The following METTL2A variants were observed in gnomAD, a reference collection of about 807,000 sequenced individuals.
METTL2A encodes the protein methyltransferase 2A, tRNA N3-cytidine.
In METTL2A, 45 loss-of-function variants were observed where a neutral mutation model predicts 49.4. That is an observed-to-expected ratio of 0.91 (90% CI 0.72 to 1.17). The LOEUF is 1.17. Ranked by LOEUF, METTL2A falls within the 50% of genes most tolerant of loss-of-function variation. METTL2A has a pLI of 0.00. For synonymous variants in METTL2A, 118 were observed against 167.5 expected, an observed-to-expected ratio of 0.70 and a Z score of 2.28; for missense variants, 361 against 462.2, an observed-to-expected ratio of 0.78 and a Z score of 2.01.
In METTL2A at chr17:62,439,172, G is replaced by A. The variant is rs182598005; in HGVS notation, c.670-1445G>A. Among the ~76,000 whole-genome samples the A allele has an allele frequency of 4.9e-4, 74 of 151,658 alleles. 1 individual carries two copies. The highest frequency in any genetic ancestry group is 1.7e-3 in the African/African-American group (69 of 41,318). On this transcript the variant is annotated intron_variant, in intron 5 of 8. Transcript: ENST00000311506. ...TTTTTTGTATTTTTAGTAGAGACGGGGTTTCACTGTGTTGGCCAGGCTGGT... is the reference window on the plus strand; with the variant it reads ...TTTTTTGTATTTTTAGTAGAGACGGAGTTTCACTGTGTTGGCCAGGCTGGT...
At chr17:62,431,961 T>C (rs545077637) in intron 4 of METTL2A, among the ~76,000 whole-genome samples, 6 of 152,174 alleles carry the variant, frequency 3.9e-5, no homozygotes, top group African/African-American at 1.4e-4. Flanking sequence ...CCTCGTGATC[T>C]GCCTGCCTCG....
chr17:62,428,182 T>C (rs1417417462), intron 4 of METTL2A, among the ~76,000 whole-genome samples: 1 of 152,208 alleles, frequency 6.6e-6, no homozygotes, highest in African/African-American at 2.4e-5. Flanking sequence ...CTTCTTCTTC[T>C]TCTAAGGAAC....
At chr17:62,431,953 T>C (rs1024812749) in intron 4 of METTL2A, among the ~76,000 whole-genome samples, 11 of 152,058 alleles carry the variant, frequency 7.2e-5, no homozygotes, top group African/African-American at 2.7e-4. Context: ...ATTCCTGACC[T>C]CGTGATCTGC....
At chr17:62,436,793 A>G (rs28424140) in intron 5 of METTL2A, among the ~76,000 whole-genome samples, 5,120 of 152,194 alleles carry the variant, frequency 0.034, 299 homozygotes, top group African/African-American at 0.11. Context: ...TCTTCCTTTC[A>G]TGAAAGATTT....
In METTL2A at chr17:62,427,842, G is replaced by A; in HGVS notation, c.608+5G>A. On this transcript the variant is annotated splice_donor_5th_base_variant and intron_variant, in intron 4 of 8. Transcript: ENST00000311506. Reference sequence around the variant, plus strand: ...TCCAATTTTACAAACGAACAAGTAAGTATGTTGTAAAAGTTTATGATAGCA... The same window carrying A: ...TCCAATTTTACAAACGAACAAGTAAATATGTTGTAAAAGTTTATGATAGCA... 4 of 1,606,168 alleles carry A rather than the reference G, an allele frequency of 2.5e-6. No homozygotes were observed. The highest frequency in any genetic ancestry group is 3.4e-6 in the Non-Finnish European group (4 of 1,177,208).
intron 5 of METTL2A, among the ~76,000 whole-genome samples, chr17:62,439,409 G>A (rs554189931): frequency 6.0e-5 from 9 of 149,196 alleles, no homozygotes; most frequent in Admixed American, 2.7e-4. Context: ...CTAGCAGATC[G>A]TGCTTTTGGT....
intron 5 of METTL2A, among the ~76,000 whole-genome samples, chr17:62,439,306 A>G (rs1209491648): frequency 2.7e-5 from 4 of 149,962 alleles, no homozygotes; most frequent in South Asian, 2.1e-4. Flanking sequence ...AAGTCTCACT[A>G]TGTTGCCTAG....
At position 62,444,030 on chromosome 17, in the gene METTL2A, CTCTG is replaced by C. The variant is rs552376470; in HGVS notation, c.810-801_810-798del. Among the ~76,000 whole-genome samples, 13 of 152,290 alleles carry C rather than the reference CTCTG, an allele frequency of 8.5e-5. No homozygotes were observed. In the South Asian group the frequency reaches 2.5e-3, roughly 29 times the overall value. ...AAAACACAGACCTAAGTGTAAAACCCTCTGTCTGTTATACTCATTTGCATACTGA... is the reference window on the plus strand; with the variant it reads ...AAAACACAGACCTAAGTGTAAAACCCTCTGTTATACTCATTTGCATACTGA... On this transcript the variant is annotated intron_variant, in intron 6 of 8. Coordinates refer to ENST00000311506, the MANE Select transcript of METTL2A (RefSeq NM_181725.4).
chr17:62,430,454 A>G (rs1204167619), intron 4 of METTL2A, among the ~76,000 whole-genome samples: 3 of 152,166 alleles, frequency 2.0e-5, no homozygotes, highest in Non-Finnish European at 2.9e-5. Flanking sequence ...CTGCCTGTGA[A>G]TCAGGTTTAA....
chr17:62,447,753 C>A lies in METTL2A; in HGVS notation c.969C>A (p.Tyr323Ter). 1.2e-6 allele frequency: 2 copies of A among 1,614,194 alleles called. No individual in the cohort carries two copies. Among genetic ancestry groups the A allele is most frequent in the Non-Finnish European group, 1.7e-6 (2 of 1,180,014 alleles). Reference sequence around the variant, plus strand: ...TGAGAGGTGATGGAACCAGAGTTTACTTCTTCACACAAGGTATGAAACACC... The same window carrying A: ...TGAGAGGTGATGGAACCAGAGTTTAATTCTTCACACAAGGTATGAAACACC... Reference protein sequence around the residue: ...FYVRGDGTRVYFFTQEELDTL... With the variant: ...FYVRGDGTRV Residue 323 changes from tyrosine to a stop codon, truncating the protein, a stop_gained, in exon 8 of 9, where the codon TAC becomes TAA. Transcript: ENST00000311506. LOFTEE classifies it high-confidence loss of function.
chr17:62,424,176 G>T (rs1409894771), intron 1 of METTL2A, 43 bp from the exon 2 acceptor site: 1 of 1,613,916 alleles, frequency 6.2e-7, no homozygotes, highest in Admixed American at 1.7e-5. Context: ...CCTGCCCGCA[G>T]CCAGGACGTG....
intron 5 of METTL2A, among the ~76,000 whole-genome samples, chr17:62,436,165 C>T (rs1217048138): frequency 2.6e-5 from 4 of 152,142 alleles, no homozygotes; most frequent in Non-Finnish European, 5.9e-5. Context: ...ATCACTTGAA[C>T]TCAGGAGGTG....
rs1286983710 is a variant in METTL2A, at chr17:62,451,620, G to T, written c.*2891G>T. ...ACTGCTAACAATACAGACCTGGCAC[G>T]GTGGCTCACGCCTGTAATCCCAGCA... On this transcript the variant is annotated 3_prime_UTR_variant, in exon 9 of 9. Transcript: ENST00000311506. Among the ~76,000 whole-genome samples the T allele has an allele frequency of 6.6e-6, 1 of 151,734 alleles. No homozygotes were observed. The highest frequency in any genetic ancestry group is 1.5e-5 in the Non-Finnish European group (1 of 67,904).
chr17:62,442,309 T>C (rs888096748), intron 6 of METTL2A, among the ~76,000 whole-genome samples: 8 of 151,886 alleles, frequency 5.3e-5, no homozygotes, highest in African/African-American at 1.9e-4. Flanking sequence ...GGAGTCTCAC[T>C]CTGTTGCCCA....
In METTL2A at chr17:62,447,224, G is replaced by C. The variant is rs148227341; in HGVS notation, c.917-477G>C. On this transcript the variant is annotated intron_variant, in intron 7 of 8. Coordinates refer to ENST00000311506, the MANE Select transcript of METTL2A (RefSeq NM_181725.4). ...ACCTGAGGTGAGGAGTTTGAGACCA[G>C]CCTGGCCAACATGGTGAAACCCTGA... Among the ~76,000 whole-genome samples the C allele has an allele frequency of 1.2e-4, 18 of 152,262 alleles. No homozygotes were observed. In the East Asian group the frequency reaches 2.9e-3, roughly 25 times the overall value.
chr17:62,438,863 G>C (rs1185744157), intron 5 of METTL2A, among the ~76,000 whole-genome samples: 1 of 152,070 alleles, frequency 6.6e-6, no homozygotes. Flanking sequence ...ACTCAGGCTG[G>C]AGTGCGGTGG....
chr17:62,443,087 G>A (rs1339283873), intron 6 of METTL2A, among the ~76,000 whole-genome samples: 1 of 152,074 alleles, frequency 6.6e-6, no homozygotes, highest in Non-Finnish European at 1.5e-5. Flanking sequence ...TAATTGCAGA[G>A]GTTGACCAGG....
intron 4 of METTL2A, among the ~76,000 whole-genome samples, chr17:62,430,836 G>A (rs2070659758): frequency 1.3e-5 from 2 of 149,540 alleles, no homozygotes; most frequent in African/African-American, 2.5e-5. Context: ...CCACCACCAC[G>A]CCCAGCTAAT....
chr17:62,435,713 A>T (rs1251869764), intron 5 of METTL2A, among the ~76,000 whole-genome samples: 2 of 152,186 alleles, frequency 1.3e-5, no homozygotes, highest in African/African-American at 4.8e-5. Context: ...TAATAAATGC[A>T]TGCGTTGTGA....
Sources: allele counts gnomAD v4.1 joint callset (sites outside exome capture counted in the v4.1 genomes callset), GRCh38; gene constraint gnomAD v4.1.1; transcripts MANE v1.5; gene names NCBI Gene and HGNC (gene_info 2026-07-23, HGNC 2026-07-21).